NOL4L: variants seen among roughly 807,000 people sequenced by gnomAD.
The protein encoded by NOL4L is nucleolar protein 4-like.
A neutral mutation model predicts 64.5 loss-of-function variants in NOL4L; 7 were observed. That is an observed-to-expected ratio of 0.11 (90% CI 0.06 to 0.20). The LOEUF is 0.20. Ranked by LOEUF, NOL4L falls within the 10% of genes least tolerant of loss-of-function variation. NOL4L has a pLI of 1.00. For missense variants in NOL4L, 680 were observed against 967.1 expected (o/e 0.70, Z 3.94); for synonymous variants, 413 against 401.0 (o/e 1.03, Z -0.36).
At chr20:32,462,182 TC>T (rs1299045836) in intron 5 of NOL4L, among the ~76,000 whole-genome samples, 1 of 152,118 alleles carries the variant, frequency 6.6e-6, no homozygotes, top group Non-Finnish European at 1.5e-5. Flanking sequence ...GCACAGATGA[TC>T]CCCTGAAATC....
intron 5 of NOL4L, among the ~76,000 whole-genome samples, chr20:32,473,796 CCA>C (rs772626629): frequency 6.6e-6 from 1 of 152,224 alleles, no homozygotes; most frequent in Non-Finnish European, 1.5e-5. Flanking sequence ...CTCCTACACC[CCA>C]GTTCTTGGGC....
intron 1 of NOL4L, among the ~76,000 whole-genome samples, chr20:32,542,363 A>T (rs1377416611): frequency 6.6e-5 from 10 of 151,982 alleles, no homozygotes; most frequent in Admixed American, 5.3e-4. Context: ...TTTTAAAAAA[A>T]TTTTTTTTGA....
At chr20:32,550,515 G>A (rs2018785912) in intron 1 of NOL4L, among the ~76,000 whole-genome samples, 1 of 152,264 alleles carries the variant, frequency 6.6e-6, no homozygotes, top group Middle Eastern at 3.4e-3. Context: ...GGAGGGCGAG[G>A]CGAGCTGATC....
intron 4 of NOL4L, chr20:32,485,611 T>C (rs1398495160): frequency 2.7e-6 from 1 of 374,292 alleles, no homozygotes; most frequent in African/African-American, 2.1e-5. Context: ...GTTTACTGGA[T>C]CTTCTCATCC....
intron 4 of NOL4L, among the ~76,000 whole-genome samples, chr20:32,484,782 C>A (rs1406290309): frequency 6.6e-6 from 1 of 152,080 alleles, no homozygotes; most frequent in Non-Finnish European, 1.5e-5. Flanking sequence ...GTCCCCCAGG[C>A]GGACAGACCC....
At chr20:32,583,939 C>T (rs1157584952) in intron 1 of NOL4L, among the ~76,000 whole-genome samples, 4 of 148,098 alleles carry the variant, frequency 2.7e-5, no homozygotes, top group African/African-American at 9.9e-5. Flanking sequence ...GCCCCACCCA[C>T]CCGCGGGAGG....
chr20:32,476,369 A>C (rs1396480241), intron 4 of NOL4L, among the ~76,000 whole-genome samples: 1 of 152,196 alleles, frequency 6.6e-6, no homozygotes, highest in Non-Finnish European at 1.5e-5. Flanking sequence ...GCCTTGAGCA[A>C]GGCTGCAAGG....
chr20:32,536,764 G>C (rs1030016806), intron 1 of NOL4L, among the ~76,000 whole-genome samples: 4 of 143,238 alleles, frequency 2.8e-5, no homozygotes, highest in Non-Finnish European at 4.7e-5. Flanking sequence ...GTCAGTGCAG[G>C]GGGGACGGCT....
At chr20:32,524,016 C>G (rs1238885372) in intron 2 of NOL4L, among the ~76,000 whole-genome samples, 1 of 152,136 alleles carries the variant, frequency 6.6e-6, no homozygotes, top group African/African-American at 2.4e-5. Context: ...AGCTGCTGAC[C>G]ACATCTGGCC....
At chr20:32,461,483 C>T (rs933899323) in intron 5 of NOL4L, among the ~76,000 whole-genome samples, 3 of 139,154 alleles carry the variant, frequency 2.2e-5, no homozygotes, top group South Asian at 2.2e-4. Context: ...AGTACGGTGG[C>T]GTGATCTCGG....
intron 1 of NOL4L, among the ~76,000 whole-genome samples, chr20:32,577,284 C>T (rs1029591982): frequency 2.0e-5 from 3 of 152,166 alleles, no homozygotes; most frequent in East Asian, 1.9e-4. Flanking sequence ...GCGGGGGTGG[C>T]GTCCATACAG....
rs536535577 is a variant in NOL4L, at chr20:32,503,786, G to A, written c.699+7561C>T. ...ATGGCAGACCTCCAAGGTCTGGAGT[G>A]TCACTGGGAAACTGTCTTTGATCAT... On this transcript the variant is annotated intron_variant, in intron 4 of 10. Coordinates refer to ENST00000621426, the MANE Select transcript of NOL4L (RefSeq NM_001256798.2). Among the ~76,000 whole-genome samples, 38 of 152,252 alleles carry A rather than the reference G, an allele frequency of 2.5e-4. 1 individual carries two copies. The highest frequency in any genetic ancestry group is 7.9e-4 in the African/African-American group (33 of 41,548).
At position 32,503,846 on chromosome 20, in the gene NOL4L, T is replaced by C. The variant is rs537400469; in HGVS notation, c.699+7501A>G. ...TCACACTTTGCCCTACTTAATGCTT[T>C]TTTTTTGCCTTGAACATTTATTTAA... On this transcript the variant is annotated intron_variant, in intron 4 of 10. Coordinates refer to ENST00000621426, the MANE Select transcript of NOL4L (RefSeq NM_001256798.2). Among the ~76,000 whole-genome samples, 7 of 152,292 alleles carry C rather than the reference T, an allele frequency of 4.6e-5. 1 individual carries two copies. In the East Asian group the frequency reaches 1.3e-3, roughly 29 times the overall value.
intron 4 of NOL4L, among the ~76,000 whole-genome samples, chr20:32,498,466 G>C (rs1382299211): frequency 6.6e-6 from 1 of 150,718 alleles, no homozygotes; most frequent in Non-Finnish European, 1.5e-5. Flanking sequence ...CTCAAGTTTA[G>C]AAATGCCCTA....
chr20:32,570,715 C>T (rs1383164829), intron 1 of NOL4L, among the ~76,000 whole-genome samples: 2 of 152,176 alleles, frequency 1.3e-5, no homozygotes, highest in African/African-American at 2.4e-5. Context: ...CTCTCTTTTT[C>T]CTGAATAGAC....
chr20:32,534,691 C>A (rs1010728114), intron 1 of NOL4L, among the ~76,000 whole-genome samples: 1 of 151,584 alleles, frequency 6.6e-6, no homozygotes, highest in African/African-American at 2.4e-5. Flanking sequence ...ACTCCCCCCA[C>A]CCCCCGCCGC....
intron 4 of NOL4L, among the ~76,000 whole-genome samples, chr20:32,482,581 G>GCGCGCCCTCGAGGCGGCCGGCTGCC (rs1568639232): frequency 6.6e-6 from 1 of 152,066 alleles, no homozygotes; most frequent in East Asian, 2.0e-4. Context: ...TAACCCCTGC[G>GCGCGCCCTCGAGGCGGCCGGCTGCC]CGCGCCCTCG....
chr20:32,537,229 G>A (rs1336420112), intron 1 of NOL4L: 7 of 532,478 alleles, frequency 1.3e-5, no homozygotes, highest in Non-Finnish European at 1.7e-5. Context: ...CCCCGCCCAA[G>A]GCGCAGCGGG....
At chr20:32,557,410 G>C (rs1978727424) in intron 1 of NOL4L, among the ~76,000 whole-genome samples, 1 of 152,236 alleles carries the variant, frequency 6.6e-6, no homozygotes, top group Admixed American at 6.5e-5. Flanking sequence ...ACGCTCTGAA[G>C]GCAGAAGCCT....
Sources: gnomAD v4.1 joint callset for allele counts (sites outside exome capture counted in the v4.1 genomes callset) on GRCh38, gnomAD v4.1.1 for gene constraint, MANE v1.5 for transcripts, NCBI Gene and HGNC (gene_info 2026-07-23, HGNC 2026-07-21) for gene names.